IPO7: variants seen among roughly 807,000 people sequenced by gnomAD.
The protein encoded by IPO7 is importin 7.
In IPO7, 13 loss-of-function variants were observed where a neutral mutation model predicts 136.4. The observed-to-expected ratio is 0.10, with a 90% CI of 0.06 to 0.15. The LOEUF (loss-of-function observed/expected upper bound fraction) is 0.15. Among genes scored for constraint, IPO7 ranks in the 10% least tolerant of loss-of-function variants. The pLI is 1.00. For missense variants in IPO7, 857 were observed against 1,240.6 expected, an observed-to-expected ratio of 0.69 and a Z score of 4.65; for synonymous variants, 403 against 404.4, an observed-to-expected ratio of 1.00 and a Z score of 0.04.
intron 1 of IPO7, among the ~76,000 whole-genome samples, chr11:9,393,680 G>C (rs1854668324): frequency 6.6e-6 from 1 of 151,968 alleles, no homozygotes; most frequent in South Asian, 2.1e-4. Context: ...ACCACACCAG[G>C]CCTAATTTCC....
At chr11:9,426,453 G>T (rs1189770620) in intron 12 of IPO7, among the ~76,000 whole-genome samples, 1 of 152,094 alleles carries the variant, frequency 6.6e-6, no homozygotes, top group Non-Finnish European at 1.5e-5. Context: ...GCTTACAAAT[G>T]TTGCTGTGAA....
At chr11:9,394,481 T>C (rs1237862543) in intron 1 of IPO7, among the ~76,000 whole-genome samples, 6 of 152,196 alleles carry the variant, frequency 3.9e-5, no homozygotes, top group Admixed American at 2.6e-4. Context: ...TTCATTCATG[T>C]TTTATAGTCA....
At position 9,445,091 on chromosome 11, in the gene IPO7, T is replaced by G; in HGVS notation, c.3020-6T>G. The stretch of plus-strand genomic sequence containing the variant: ...ATGCCCTACTAAAATTTTATTTGTT[T>G]TCTAGAATCCAAAATGATTGAGAAG... On this transcript the variant is annotated splice_region_variant and splice_polypyrimidine_tract_variant and intron_variant, in intron 24 of 24. Coordinates refer to ENST00000379719, the MANE Select transcript of IPO7 (RefSeq NM_006391.3). 6.3e-7 allele frequency: 1 copy of G among 1,595,488 alleles called. No homozygotes were observed. The highest frequency in any genetic ancestry group is 8.6e-7 in the Non-Finnish European group (1 of 1,163,298).
intron 16 of IPO7, among the ~76,000 whole-genome samples, chr11:9,431,730 T>A (rs371620440): frequency 1.2e-4 from 19 of 152,292 alleles, no homozygotes; most frequent in African/African-American, 4.1e-4. Flanking sequence ...TCCCAGCACT[T>A]TGAGAGGCCG....
chr11:9,425,039 A>T (rs779858059), intron 11 of IPO7, 49 bp downstream of exon 11: 1 of 1,357,386 alleles, frequency 7.4e-7, no homozygotes, highest in Non-Finnish European at 1.0e-6. Context: ...TTTAAAATTT[A>T]TTCAACTATA....
intron 2 of IPO7, among the ~76,000 whole-genome samples, chr11:9,406,822 T>C (rs1300370763): frequency 6.6e-6 from 1 of 151,984 alleles, no homozygotes; most frequent in Non-Finnish European, 1.5e-5. Context: ...TGTGGTGAGC[T>C]GAGATTGTGC....
At chr11:9,422,767 G>T (rs1210171211) in intron 8 of IPO7, among the ~76,000 whole-genome samples, 1 of 152,138 alleles carries the variant, frequency 6.6e-6, no homozygotes, top group Non-Finnish European at 1.5e-5. Flanking sequence ...GGGCAACGTA[G>T]TGAGACACTG....
At chr11:9,399,736 G>A (rs190437970) in intron 1 of IPO7, among the ~76,000 whole-genome samples, 5 of 152,312 alleles carry the variant, frequency 3.3e-5, no homozygotes, top group African/African-American at 9.6e-5. Flanking sequence ...ATCAGTAAAG[G>A]AGCCTGAGAA....
At chr11:9,403,039 G>T in intron 1 of IPO7, 1 of 397,614 alleles carries the variant, frequency 2.5e-6, no homozygotes, top group South Asian at 2.9e-5. Context: ...AAAGAAAAAA[G>T]AATGCTAGTT....
chr11:9,392,123 T>A (rs1854641650), intron 1 of IPO7: 1 of 363,198 alleles, frequency 2.8e-6, no homozygotes, highest in Non-Finnish European at 5.3e-6. Flanking sequence ...CACTATGCCT[T>A]ATATTTCATG....
At chr11:9,427,364 G>A (rs186003117) in intron 12 of IPO7, among the ~76,000 whole-genome samples, 2,130 of 152,146 alleles carry the variant, frequency 0.014, 29 homozygotes, top group Non-Finnish European at 0.024. Context: ...GAGTTCAAGC[G>A]ATTCTCCTGC....
rs1161065642 is a variant in IPO7 at position 9,424,894 on chromosome 11, A to C, written c.1142-20A>C. 3 of 1,489,180 alleles carry C rather than the reference A, an allele frequency of 2.0e-6. No homozygotes were observed. The highest frequency in any genetic ancestry group is 2.8e-6 in the Non-Finnish European group (3 of 1,077,440). The allele number at this position is 1,489,180 out of a possible 1,614,324, so 92.2% of individuals were successfully genotyped here. The stretch of plus-strand genomic sequence containing the variant: ...GAAGAAATTAATGTTTATTGTCTTA[A>C]TTTTAAACTTGTTCTCTAGATGTGT... On this transcript the variant is annotated intron_variant, in intron 10 of 24. Coordinates refer to ENST00000379719, the MANE Select transcript of IPO7 (RefSeq NM_006391.3).
At chr11:9,408,784 T>C (rs1306394419) in intron 3 of IPO7, 145 bp downstream of exon 3, 3 of 486,970 alleles carry the variant, frequency 6.2e-6, no homozygotes, top group Non-Finnish European at 1.0e-5. Context: ...CGATCCTTGC[T>C]CACTGCAGCC....
intron 1 of IPO7, among the ~76,000 whole-genome samples, chr11:9,400,490 C>T (rs144383252): frequency 8.6e-4 from 130 of 151,978 alleles, no homozygotes; most frequent in African/African-American, 2.9e-3. Flanking sequence ...GGCGCGATCT[C>T]GGCTCACTGC....
At chr11:9,438,730 T>A (rs1233345641) in intron 22 of IPO7, among the ~76,000 whole-genome samples, 1 of 152,178 alleles carries the variant, frequency 6.6e-6, no homozygotes, top group African/African-American at 2.4e-5. Context: ...TTCTTCTCAC[T>A]AGAGTGATGT....
In IPO7 at chr11:9,387,914, G is replaced by A. The variant is rs1030713464; in HGVS notation, c.84+3067G>A. On this transcript the variant is annotated intron_variant, in intron 1 of 24. Coordinates refer to ENST00000379719, the MANE Select transcript of IPO7 (RefSeq NM_006391.3). ...TGGAATTCCAGCACTTTGGGAGTCC[G>A]AGGCGGGCGGATCACCTGAGGTTGG... Among the ~76,000 whole-genome samples, 13 of 150,900 alleles carry A rather than the reference G, an allele frequency of 8.6e-5. No homozygotes were observed. The East Asian group carries it at 1.2e-3, about 14-fold the overall frequency.
rs1408375691 is a variant in IPO7, at chr11:9,446,897, A to G, written c.*1703A>G. On this transcript the variant is annotated 3_prime_UTR_variant, in exon 25 of 25. Coordinates refer to ENST00000379719, the MANE Select transcript of IPO7 (RefSeq NM_006391.3). ...AAAATCTTGGCAAAAAAAGAAAAAA[A>G]TTGTCTAACGTGTGTGGGTGAAAAC... 6.6e-6 allele frequency: 1 copy of G among 152,152 alleles called. No homozygotes were observed. Among genetic ancestry groups the G allele is most frequent in the Non-Finnish European group, 1.5e-5 (1 of 68,028 alleles). 9.4% of individuals were successfully genotyped at this position (152,152 alleles called of 1,614,324 possible).
At chr11:9,405,105 T>TTAA (rs1854862066) in intron 2 of IPO7, among the ~76,000 whole-genome samples, 1 of 152,142 alleles carries the variant, frequency 6.6e-6, no homozygotes, top group Non-Finnish European at 1.5e-5. Flanking sequence ...ATAGGAATTA[T>TTAA]TATTATTATT....
intron 1 of IPO7, among the ~76,000 whole-genome samples, chr11:9,402,164 G>A (rs1168441598): frequency 2.0e-5 from 3 of 152,098 alleles, no homozygotes; most frequent in Non-Finnish European, 4.4e-5. Flanking sequence ...CACTTTGGGA[G>A]GCCAAGGCGG....
Sources: allele counts gnomAD v4.1 joint callset (sites outside exome capture counted in the v4.1 genomes callset), GRCh38; gene constraint gnomAD v4.1.1; transcripts MANE v1.5; gene names NCBI Gene and HGNC (gene_info 2026-07-23, HGNC 2026-07-21).